Variants in GALNT16 observed in about 807,000 individuals in gnomAD.
The protein encoded by GALNT16 is UDP-GalNAc:polypeptide N-acetylgalactosaminyltransferase-like protein 1.
GALNT16 carries 40 observed loss-of-function variants against 76.1 expected under a neutral mutation model. That is an observed-to-expected ratio of 0.53 (90% confidence interval 0.41 to 0.68). The LOEUF (loss-of-function observed/expected upper bound fraction) is 0.68. Ranked by LOEUF, GALNT16 falls within the 30% of genes least tolerant of loss-of-function variation. The pLI is 0.00. For missense variants in GALNT16, 621 were observed against 731.9 expected (o/e 0.85, Z 1.75); for synonymous variants, 276 against 285.2 (o/e 0.97, Z 0.32).
chr14:69,296,800 T>TG (rs1182988259), intron 1 of GALNT16, among the ~76,000 whole-genome samples: 13 of 119,356 alleles, frequency 1.1e-4, no homozygotes, highest in Non-Finnish European at 1.8e-4. Context: ...GACAGACAGA[T>TG]AGAGCTAGAT....
chr14:69,333,682 G>C lies in GALNT16; in HGVS notation c.967+82G>C. 1.3e-6 allele frequency: 1 copy of C among 771,858 alleles called. No individual in the cohort carries two copies. The allele number at this position is 771,858 out of a possible 1,614,324, so 47.8% of individuals were successfully genotyped here. A position where few individuals can be genotyped will look rare whatever the true frequency, so the allele number is the denominator to read the frequency against. ...CCCTGACAGAGCACTTTCTATGCGT[G>C]AGGACCTGCTCTAAGGACTTTACAC... On this transcript the variant is annotated intron_variant, in intron 9 of 14. Coordinates refer to ENST00000448469, the MANE Select transcript of GALNT16 (RefSeq NM_001168368.2). The surrounding 1 kb of genome is among the most constrained non-coding windows in gnomAD (Gnocchi z 4.2).
chr14:69,281,116 A>T (rs563234994), intron 1 of GALNT16, among the ~76,000 whole-genome samples: 9 of 151,556 alleles, frequency 5.9e-5, no homozygotes, highest in African/African-American at 2.2e-4. Flanking sequence ...TACCCAGTGG[A>T]CAGAGTCCGC....
chr14:69,346,920 G>A (rs889222421), intron 12 of GALNT16, 120 bp from the exon 13 acceptor site: 41 of 1,204,588 alleles, frequency 3.4e-5, no homozygotes, highest in African/African-American at 3.3e-4. Flanking sequence ...GGCTGCTCCC[G>A]GGCCCCTTCC....
chr14:69,329,225 C>T (rs1466337534), intron 6 of GALNT16, among the ~76,000 whole-genome samples: 2 of 152,034 alleles, frequency 1.3e-5, no homozygotes, highest in Non-Finnish European at 2.9e-5. Context: ...GGCATGACGG[C>T]GGGTGCCTGT....
intron 1 of GALNT16, among the ~76,000 whole-genome samples, chr14:69,311,135 T>C (rs1240522518): frequency 6.6e-6 from 1 of 152,114 alleles, no homozygotes; most frequent in African/African-American, 2.4e-5. Context: ...GAAATTGATT[T>C]CTTACAGTTT....
intron 1 of GALNT16, among the ~76,000 whole-genome samples, chr14:69,263,592 G>T (rs982599949): frequency 2.6e-4 from 40 of 152,330 alleles, no homozygotes; most frequent in African/African-American, 8.7e-4. Context: ...CTGCAGAAGC[G>T]CCTGGACCTG....
At chr14:69,375,603 C>CT in the GALNT16 span, among the ~76,000 whole-genome samples, 7 of 151,524 alleles carry the variant, frequency 4.6e-5, no homozygotes, top group South Asian at 4.2e-4. Flanking sequence ...CTTTTGGATT[C>CT]TTTTTTTTTA....
intron 1 of GALNT16, among the ~76,000 whole-genome samples, chr14:69,314,928 T>C (rs551158676): frequency 6.0e-4 from 92 of 152,330 alleles, no homozygotes; most frequent in African/African-American, 2.1e-3. Context: ...GTACCTGTTT[T>C]ACTGGCAGTA....
the GALNT16 span, among the ~76,000 whole-genome samples, chr14:69,377,688 G>C: frequency 6.6e-6 from 1 of 151,050 alleles, no homozygotes; most frequent in African/African-American, 2.4e-5. Context: ...GTGTGCACCT[G>C]TAATCCCAGC....
downstream of GALNT16, among the ~76,000 whole-genome samples, chr14:69,361,589 C>A (rs2140215434): frequency 6.6e-6 from 1 of 152,344 alleles, no homozygotes; most frequent in East Asian, 1.9e-4. Context: ...AGGCTGAGAG[C>A]TTTTGTCCCC....
chr14:69,368,049 T>C, the GALNT16 span, among the ~76,000 whole-genome samples: 1 of 152,026 alleles, frequency 6.6e-6, no homozygotes, highest in African/African-American at 2.4e-5. Context: ...AGTGATATAA[T>C]CAGATTTTCA....
At chr14:69,336,033 C>T (rs572234311) in intron 9 of GALNT16, among the ~76,000 whole-genome samples, 2 of 152,288 alleles carry the variant, frequency 1.3e-5, no homozygotes, top group Admixed American at 1.3e-4. Context: ...GGGTATCTGC[C>T]TTTCCCTGCA....
At chr14:69,274,205 G>A (rs1466076464) in intron 1 of GALNT16, among the ~76,000 whole-genome samples, 1 of 152,128 alleles carries the variant, frequency 6.6e-6, no homozygotes, top group Admixed American at 6.5e-5. Flanking sequence ...CAAGAGTTTA[G>A]AATTCTGCCT....
At chr14:69,345,615 C>T (rs1213231166) in intron 12 of GALNT16, among the ~76,000 whole-genome samples, 1 of 151,862 alleles carries the variant, frequency 6.6e-6, no homozygotes, top group Non-Finnish European at 1.5e-5. Context: ...CTCCTTAATC[C>T]AAGAACGAAC....
At chr14:69,361,065 G>A (rs2045721145), downstream of GALNT16, among the ~76,000 whole-genome samples, 3 of 152,216 alleles carry the variant, frequency 2.0e-5, no homozygotes, top group Non-Finnish European at 4.4e-5. Flanking sequence ...CATGATTTAT[G>A]AGTTTCTTCC....
chr14:69,260,136 A>ACCACCCCC, upstream of GALNT16: 2 of 113,994 alleles, frequency 1.8e-5, no homozygotes, highest in Non-Finnish European at 3.5e-5. Context: ...TCTCCCTATC[A>ACCACCCCC]CCCCCCCGCC....
At chr14:69,375,248 T>C in the GALNT16 span, among the ~76,000 whole-genome samples, 1 of 152,226 alleles carries the variant, frequency 6.6e-6, no homozygotes, top group Admixed American at 6.5e-5. Context: ...TGACATACTT[T>C]CCGCATCCTT....
the GALNT16 span, among the ~76,000 whole-genome samples, chr14:69,366,981 C>T: frequency 2.6e-4 from 39 of 152,178 alleles, no homozygotes; most frequent in Middle Eastern, 3.4e-3. Flanking sequence ...GAGGTGGTGA[C>T]GCCTGAATGG....
chr14:69,260,104 A>G, upstream of GALNT16: 2 of 504,606 alleles, frequency 4.0e-6, no homozygotes, highest in Non-Finnish European at 3.6e-6. Context: ...TAGGACCGTG[A>G]GGATCGCTCC....
Sources: gnomAD v4.1 joint callset for allele counts (sites outside exome capture counted in the v4.1 genomes callset) on GRCh38, gnomAD v4.1.1 for gene constraint, Gnocchi (gnomAD v3.1) non-coding constraint, MANE v1.5 for transcripts, NCBI Gene and HGNC (gene_info 2026-07-23, HGNC 2026-07-21) for gene names.